Variants in FHIT observed in about 807,000 individuals in gnomAD.
The protein encoded by FHIT is fragile histidine triad diadenosine triphosphatase.
FHIT carries 19 observed loss-of-function variants against 17.9 expected under a neutral mutation model. The ratio of observed to expected loss-of-function variants is 1.06; its 90% CI spans 0.74 to 1.56. FHIT has a LOEUF of 1.56. FHIT is among the 40% of genes most tolerant of loss of function. FHIT has a pLI of 0.00. For synonymous variants in FHIT, 81 were observed against 69.7 expected (o/e 1.16, Z -0.81); for missense variants, 248 against 189.2 (o/e 1.31, Z -1.82).
At chr3:60,713,231 A>G (rs1421120098) in intron 4 of FHIT, among the ~76,000 whole-genome samples, 1 of 150,952 alleles carries the variant, frequency 6.6e-6, no homozygotes, top group South Asian at 2.1e-4. Flanking sequence ...GAAACCAACG[A>G]GAACAAAGAC....
intron 7 of FHIT, among the ~76,000 whole-genome samples, chr3:59,922,891 C>A (rs1434968572): frequency 6.6e-6 from 1 of 152,060 alleles, no homozygotes; most frequent in African/African-American, 2.4e-5. Flanking sequence ...ACAAACAGTT[C>A]TCATTTAGTA....
intron 4 of FHIT, among the ~76,000 whole-genome samples, chr3:60,641,860 T>C (rs1404014732): frequency 6.6e-6 from 1 of 151,802 alleles, no homozygotes; most frequent in Non-Finnish European, 1.5e-5. Context: ...GAGGTGGAGG[T>C]TGGGTTACAA....
chr3:60,168,417 G>C (rs1576239957), intron 5 of FHIT, among the ~76,000 whole-genome samples: 1 of 152,092 alleles, frequency 6.6e-6, no homozygotes, highest in African/African-American at 2.4e-5. Context: ...CAACCATCAA[G>C]CTAATGATCT....
intron 3 of FHIT, among the ~76,000 whole-genome samples, chr3:60,886,695 T>C (rs1038740681): frequency 1.3e-5 from 2 of 152,196 alleles, no homozygotes; most frequent in African/African-American, 4.8e-5. Flanking sequence ...AAAAACGGTA[T>C]GATGGAGTCC....
chr3:60,646,356 C>T lies in FHIT; in HGVS notation c.-17-109377G>A, dbSNP rs139276431. On this transcript the variant is annotated intron_variant, in intron 4 of 9. Coordinates refer to ENST00000492590, the MANE Select transcript of FHIT (RefSeq NM_002012.4). ...GGTATTAAATCTGGTTAATTCTGCC[C>T]ATGTCCATTTGAAAAACAACCGTGT... Among the ~76,000 whole-genome samples the T allele has an allele frequency of 9.9e-5, 15 of 152,106 alleles. No individual in the cohort carries two copies. In the East Asian group the frequency reaches 2.7e-3, roughly 27 times the overall value.
chr3:61,094,908 A>C (rs2035592237), intron 2 of FHIT, among the ~76,000 whole-genome samples: 1 of 152,194 alleles, frequency 6.6e-6, no homozygotes, highest in Admixed American at 6.5e-5. Flanking sequence ...TTTAAAATTT[A>C]TACATTGTTT....
intron 4 of FHIT, among the ~76,000 whole-genome samples, chr3:60,712,337 G>C (rs1473934903): frequency 1.3e-5 from 2 of 152,148 alleles, no homozygotes; most frequent in African/African-American, 4.8e-5. Flanking sequence ...AAAATGTAAA[G>C]ACCATCGAAA....
intron 5 of FHIT, among the ~76,000 whole-genome samples, chr3:60,236,199 C>A (rs1704776278): frequency 6.6e-6 from 1 of 150,924 alleles, no homozygotes; most frequent in African/African-American, 2.4e-5. Flanking sequence ...GTGGTTTGAC[C>A]TTGCTGGGTT....
intron 5 of FHIT, among the ~76,000 whole-genome samples, chr3:60,145,813 G>C (rs1700216683): frequency 6.6e-6 from 1 of 152,002 alleles, no homozygotes; most frequent in Admixed American, 6.6e-5. Context: ...TTCCCTCAAA[G>C]ATTATTCATC....
At chr3:61,131,899 C>G (rs1046227370) in intron 2 of FHIT, among the ~76,000 whole-genome samples, 1 of 152,128 alleles carries the variant, frequency 6.6e-6, no homozygotes, top group African/African-American at 2.4e-5. Flanking sequence ...GGGTACCAAT[C>G]TAAGAGGGTA....
At chr3:60,285,161 CAT>C (rs1707663929) in intron 5 of FHIT, among the ~76,000 whole-genome samples, 1 of 152,082 alleles carries the variant, frequency 6.6e-6, no homozygotes, top group South Asian at 2.1e-4. Context: ...TCATTAAAGA[CAT>C]ATTAAATGTT....
intron 5 of FHIT, among the ~76,000 whole-genome samples, chr3:60,467,831 G>T (rs1576707508): frequency 6.6e-6 from 1 of 152,072 alleles, no homozygotes; most frequent in African/African-American, 2.4e-5. Context: ...AGGTCCATTT[G>T]GTCTGTACTG....
chr3:59,984,915 C>T (rs565396127), intron 7 of FHIT, among the ~76,000 whole-genome samples: 1 of 152,192 alleles, frequency 6.6e-6, no homozygotes, highest in Admixed American at 6.5e-5. Context: ...GCAGCAGGGT[C>T]AGCAGTATTG....
chr3:59,956,328 G>A (rs1303764584), intron 7 of FHIT, among the ~76,000 whole-genome samples: 2 of 152,046 alleles, frequency 1.3e-5, no homozygotes, highest in Non-Finnish European at 2.9e-5. Context: ...GAGCCCAGGA[G>A]TTTGAGACCA....
Position 60,855,071 on chromosome 3 carries a change from T to C in FHIT, c.-110-33060A>G, listed in dbSNP as rs544438736. Among the ~76,000 whole-genome samples the C allele has an allele frequency of 3.3e-5, 5 of 152,262 alleles. No individual in the cohort carries two copies. In the South Asian group the frequency reaches 8.3e-4, roughly 25 times the overall value. On this transcript the variant is annotated intron_variant, in intron 3 of 9. Coordinates refer to ENST00000492590, the MANE Select transcript of FHIT (RefSeq NM_002012.4). ...TCATCTCTGAAATTTCCTACTATGG[T>C]ATTCCTCTTAGAACACCATTTAGAA...
rs536448052 is a variant in FHIT, at chr3:60,576,204, T to C, written c.-17-39225A>G. ...ATCAGTTTAAGAGGCAAGAGCGTCA[T>C]TGGAAATTAAGAATATGATTGGTAA... On this transcript the variant is annotated intron_variant, in intron 4 of 9. Coordinates refer to ENST00000492590, the MANE Select transcript of FHIT (RefSeq NM_002012.4). 5.4e-5 allele frequency among the ~76,000 whole-genome samples: 8 copies of C among 149,342 alleles called. No individual in the cohort carries two copies. In the South Asian group the frequency reaches 8.5e-4, roughly 16 times the overall value.
chr3:59,956,880 G>A (rs1707430212), intron 7 of FHIT, among the ~76,000 whole-genome samples: 2 of 152,150 alleles, frequency 1.3e-5, no homozygotes, highest in Admixed American at 6.5e-5. Flanking sequence ...CATCTTAAAT[G>A]TTTCTGCTTA....
intron 3 of FHIT, among the ~76,000 whole-genome samples, chr3:61,019,295 G>C (rs2032279712): frequency 6.6e-6 from 1 of 152,172 alleles, no homozygotes; most frequent in South Asian, 2.1e-4. Context: ...TATTAGTCGG[G>C]TTTAAAACGT....
intron 4 of FHIT, among the ~76,000 whole-genome samples, chr3:60,565,316 G>A (rs999156039): frequency 6.6e-6 from 1 of 152,048 alleles, no homozygotes; most frequent in Admixed American, 6.6e-5. Flanking sequence ...GTACCCCTAC[G>A]AGGCATGGAG....
Sources: gnomAD v4.1 joint callset for allele counts (sites outside exome capture counted in the v4.1 genomes callset) on GRCh38, gnomAD v4.1.1 for gene constraint, MANE v1.5 for transcripts, NCBI Gene and HGNC (gene_info 2026-07-23, HGNC 2026-07-21) for gene names.